Variants in DLGAP2 observed in about 807,000 individuals in gnomAD.
DLGAP2 encodes the protein DLG associated protein 2, also known as disks large-associated protein 2.
A neutral mutation model predicts 100.3 loss-of-function variants in DLGAP2; 26 were observed. That is an observed-to-expected ratio of 0.26 (90% confidence interval 0.19 to 0.36). The LOEUF (loss-of-function observed/expected upper bound fraction) is 0.36, where lower values mean the gene tolerates loss of function less well. Ranked by LOEUF, DLGAP2 falls within the 10% of genes least tolerant of loss-of-function variation. DLGAP2 has a pLI of 1.00. For missense variants in DLGAP2, 1,858 were observed against 1,453.2 expected (o/e 1.28, Z -4.53); for synonymous variants, 886 against 630.1 (o/e 1.41, Z -6.08).
In DLGAP2 at chr8:994,151, T is replaced by C. The variant is rs899128453; in HGVS notation, c.73+86185T>C. 2.0e-5 allele frequency among the ~76,000 whole-genome samples: 3 copies of C among 152,166 alleles called. No homozygotes were observed. In the East Asian group the frequency reaches 5.8e-4, roughly 29 times the overall value. On this transcript the variant is annotated intron_variant, in intron 2 of 14. Transcript: ENST00000637795. ...CATTAGTGATTATTATTGGGGAGTT[T>C]TGCGAAGTAGATAGAAATTATTTTG...
chr8:1,684,296 G>T (rs4375030), intron 12 of DLGAP2, among the ~76,000 whole-genome samples: 14,622 of 151,838 alleles, frequency 0.096, 992 homozygotes, highest in East Asian at 0.23. Flanking sequence ...CAAAACACTT[G>T]TTATGCCCCT....
intron 2 of DLGAP2, among the ~76,000 whole-genome samples, chr8:1,097,910 G>T (rs1235525489): frequency 6.6e-6 from 1 of 152,100 alleles, no homozygotes; most frequent in Non-Finnish European, 1.5e-5. Flanking sequence ...GCGCTCAGGA[G>T]AGTCGAGCTG....
chr8:1,350,953 T>TGGAAAGGCCGTGCGGGTCCTGAGTGTGC (rs1801707504), intron 3 of DLGAP2, among the ~76,000 whole-genome samples: 2 of 54,960 alleles, frequency 3.6e-5, no homozygotes, highest in African/African-American at 1.3e-4. Context: ...CCTGAGTGTG[T>TGGAAAGGCCGTGCGGGTCCTGAGTGTGC]GTGGAAAGGC....
chr8:1,084,623 C>A (rs1803914811), intron 2 of DLGAP2, among the ~76,000 whole-genome samples: 2 of 152,244 alleles, frequency 1.3e-5, no homozygotes, highest in East Asian at 1.9e-4. Context: ...TGAGAACATT[C>A]AGTATTTGTC....
chr8:1,701,758 T>G lies in DLGAP2; in HGVS notation c.*352T>G. 3.3e-6 allele frequency: 1 copy of G among 302,344 alleles called. No individual in the cohort carries two copies. Among genetic ancestry groups the G allele is most frequent in the Admixed American group, 4.8e-5 (1 of 20,850 alleles). 18.7% of individuals were successfully genotyped at this position (302,344 alleles called of 1,614,324 possible). A position where few individuals can be genotyped will look rare whatever the true frequency, so the allele number is the denominator to read the frequency against. On this transcript the variant is annotated 3_prime_UTR_variant, in exon 15 of 15. Coordinates refer to ENST00000637795, the MANE Select transcript of DLGAP2 (RefSeq NM_001346810.2). ...GCTTACATTTTGTTATTTCTATTTTTATAAATTGTGTGATAATTAGAGGTA... is the reference window on the plus strand; with the variant it reads ...GCTTACATTTTGTTATTTCTATTTTGATAAATTGTGTGATAATTAGAGGTA...
rs1165367694 is a variant in DLGAP2 at position 1,245,270 on chromosome 8, C to T, written c.74-13581C>T. On this transcript the variant is annotated intron_variant, in intron 2 of 14. Coordinates refer to ENST00000637795, the MANE Select transcript of DLGAP2 (RefSeq NM_001346810.2). ...ACCCAAGAGAAATGAAACATATGTC[C>T]ACTAAAAAAACTCATACCTGATTGC... Among the ~76,000 whole-genome samples, 5 of 152,224 alleles carry T rather than the reference C, an allele frequency of 3.3e-5. No individual in the cohort carries two copies. The East Asian group carries it at 9.7e-4, about 29-fold the overall frequency.
chr8:1,288,353 T>C (rs1169951753), intron 3 of DLGAP2, among the ~76,000 whole-genome samples: 5 of 137,294 alleles, frequency 3.6e-5, no homozygotes, highest in African/African-American at 8.3e-5. Context: ...GTGTATGTAG[T>C]TGTTAGGAGG....
chr8:1,387,635 C>T (rs1027199269), intron 3 of DLGAP2, among the ~76,000 whole-genome samples: 1 of 152,194 alleles, frequency 6.6e-6, no homozygotes, highest in Non-Finnish European at 1.5e-5. Context: ...GATCAGGTGC[C>T]TGTTTGACTT....
intron 2 of DLGAP2, among the ~76,000 whole-genome samples, chr8:1,086,853 C>T (rs1803989009): frequency 6.6e-6 from 1 of 152,092 alleles, no homozygotes; most frequent in Non-Finnish European, 1.5e-5. Context: ...AAAGATCATA[C>T]AGACAGAAAA....
intron 1 of DLGAP2, among the ~76,000 whole-genome samples, chr8:861,861 G>A (rs1410850394): frequency 6.6e-6 from 1 of 152,188 alleles, no homozygotes; most frequent in African/African-American, 2.4e-5. Context: ...ATTCTTTGTT[G>A]ATGATTCACA....
chr8:1,281,427 C>A (rs1266798636), intron 3 of DLGAP2, among the ~76,000 whole-genome samples: 1 of 152,154 alleles, frequency 6.6e-6, no homozygotes, highest in Admixed American at 6.5e-5. Flanking sequence ...GCTCAATGCT[C>A]AGTAAATATT....
intron 2 of DLGAP2, among the ~76,000 whole-genome samples, chr8:1,190,212 C>T (rs753994491): frequency 3.9e-5 from 6 of 152,218 alleles, no homozygotes; most frequent in Non-Finnish European, 8.8e-5. Context: ...CAGACCTCTT[C>T]CAGATTCTGG....
At chr8:771,661 A>G (rs1821364098) in intron 1 of DLGAP2, among the ~76,000 whole-genome samples, 1 of 152,264 alleles carries the variant, frequency 6.6e-6, no homozygotes, top group South Asian at 2.1e-4. Context: ...TGCTACCCAG[A>G]GACGCATTGA....
intron 12 of DLGAP2, chr8:1,680,495 C>G (rs1200236881): frequency 1.3e-5 from 2 of 152,202 alleles, no homozygotes; most frequent in South Asian, 2.1e-4. Flanking sequence ...ATTGACTAAG[C>G]CTGTTCTTCC....
intron 1 of DLGAP2, among the ~76,000 whole-genome samples, chr8:760,583 G>T (rs1263814967): frequency 1.3e-5 from 2 of 152,188 alleles, no homozygotes; most frequent in East Asian, 3.8e-4. Context: ...TCCTGAGTTT[G>T]TCGGCTTTAA....
intron 4 of DLGAP2, among the ~76,000 whole-genome samples, chr8:1,545,775 G>A (rs80333960): frequency 0.01 from 1,594 of 152,288 alleles, 33 homozygotes; most frequent in African/African-American, 0.036. Context: ...TCAACATGTG[G>A]CATAATCAAA....
intron 3 of DLGAP2, among the ~76,000 whole-genome samples, chr8:1,408,835 A>C (rs1796648293): frequency 6.6e-6 from 1 of 151,998 alleles, no homozygotes; most frequent in Admixed American, 6.6e-5. Flanking sequence ...CTTGACTGTC[A>C]TTTAACATTA....
chr8:1,559,683 TG>T (rs1802093708), intron 5 of DLGAP2, among the ~76,000 whole-genome samples: 2 of 152,244 alleles, frequency 1.3e-5, no homozygotes, highest in Admixed American at 6.5e-5. Context: ...CCCATAAACC[TG>T]CCAAAGTGAA....
At chr8:758,665 G>C (rs1820981205) in intron 1 of DLGAP2, among the ~76,000 whole-genome samples, 1 of 152,114 alleles carries the variant, frequency 6.6e-6, no homozygotes, top group South Asian at 2.1e-4. Context: ...GGGCTCAGGT[G>C]ATTCTCCCAC....
Sources: allele counts gnomAD v4.1 joint callset (sites outside exome capture counted in the v4.1 genomes callset), GRCh38; gene constraint gnomAD v4.1.1; transcripts MANE v1.5; gene names NCBI Gene and HGNC (gene_info 2026-07-23, HGNC 2026-07-21).